GALNTL6: variants seen among roughly 807,000 people sequenced by gnomAD.
GALNTL6 encodes the protein polypeptide N-acetylgalactosaminyltransferase-like 6.
Under a neutral mutation model 73.7 loss-of-function variants are expected in GALNTL6, and 46 were observed. That is an observed-to-expected ratio of 0.62 (90% CI 0.49 to 0.80). The LOEUF (loss-of-function observed/expected upper bound fraction) is 0.80. Ranked by LOEUF, GALNTL6 falls within the 30% of genes least tolerant of loss-of-function variation. GALNTL6 has a pLI of 0.00. For synonymous variants in GALNTL6, 259 were observed against 263.7 expected, an observed-to-expected ratio of 0.98 and a Z score of 0.17; for missense variants, 604 against 755.0, an observed-to-expected ratio of 0.80 and a Z score of 2.34.
chr4:172,149,437 C>G (rs1289984793), intron 2 of GALNTL6, among the ~76,000 whole-genome samples: 1 of 152,102 alleles, frequency 6.6e-6, no homozygotes, highest in East Asian at 1.9e-4. Flanking sequence ...TATCTTCTCT[C>G]TCTCTCTCTA....
At chr4:172,761,327 T>C (rs1159054272) in intron 5 of GALNTL6, among the ~76,000 whole-genome samples, 3 of 152,222 alleles carry the variant, frequency 2.0e-5, no homozygotes, top group African/African-American at 4.8e-5. Flanking sequence ...ATATTTATTA[T>C]AAAACACACT....
At chr4:172,018,947 G>C (rs575615215) in intron 2 of GALNTL6, among the ~76,000 whole-genome samples, 5 of 152,034 alleles carry the variant, frequency 3.3e-5, no homozygotes, top group Non-Finnish European at 7.4e-5. Context: ...TTTATGTTTT[G>C]TGTGACTCCC....
chr4:172,234,406 T>C (rs547366011), intron 3 of GALNTL6, among the ~76,000 whole-genome samples: 2 of 152,274 alleles, frequency 1.3e-5, no homozygotes, highest in Admixed American at 6.5e-5. Context: ...ATTTGTCTAA[T>C]GTAAATACAT....
intron 2 of GALNTL6, among the ~76,000 whole-genome samples, chr4:171,916,969 G>A (rs1737649942): frequency 6.6e-6 from 1 of 151,942 alleles, no homozygotes; most frequent in Admixed American, 6.6e-5. Context: ...GTCAGTAATG[G>A]TATTGATGAA....
At chr4:172,833,510 C>T (rs1387753909) in intron 7 of GALNTL6, among the ~76,000 whole-genome samples, 1 of 152,148 alleles carries the variant, frequency 6.6e-6, no homozygotes, top group Non-Finnish European at 1.5e-5. Flanking sequence ...TAAGCTGCAT[C>T]TCCTGGCTTT....
chr4:172,537,487 C>T (rs1294139126), intron 5 of GALNTL6, among the ~76,000 whole-genome samples: 1 of 152,208 alleles, frequency 6.6e-6, no homozygotes, highest in East Asian at 1.9e-4. Context: ...TTTGCTCCTT[C>T]TTCACCTTCC....
intron 10 of GALNTL6, among the ~76,000 whole-genome samples, chr4:173,008,322 A>C (rs367646304): frequency 9.9e-5 from 15 of 152,246 alleles, no homozygotes; most frequent in African/African-American, 3.4e-4. Flanking sequence ...ATTAAGCACT[A>C]TCTGAAAAGA....
intron 5 of GALNTL6, among the ~76,000 whole-genome samples, chr4:172,518,428 A>G (rs1734676349): frequency 6.6e-6 from 1 of 151,958 alleles, no homozygotes; most frequent in African/African-American, 2.4e-5. Flanking sequence ...TTCATTTCAC[A>G]TTTGTACTAG....
At chr4:172,871,835 G>A (rs1428364244) in intron 7 of GALNTL6, among the ~76,000 whole-genome samples, 1 of 151,924 alleles carries the variant, frequency 6.6e-6, no homozygotes, top group African/African-American at 2.4e-5. Flanking sequence ...CCAGGTTGGA[G>A]TGTGATGGCG....
At chr4:172,053,092 C>T (rs1464208513) in intron 2 of GALNTL6, among the ~76,000 whole-genome samples, 1 of 152,024 alleles carries the variant, frequency 6.6e-6, no homozygotes, top group Non-Finnish European at 1.5e-5. Flanking sequence ...CAAATAAATA[C>T]AACTAAGGCT....
At chr4:172,602,171 A>G (rs1314475461) in intron 5 of GALNTL6, among the ~76,000 whole-genome samples, 2 of 152,158 alleles carry the variant, frequency 1.3e-5, no homozygotes, top group East Asian at 1.9e-4. Flanking sequence ...AGAAACAAAG[A>G]GTGTTCATCA....
Position 172,504,410 on chromosome 4 carries a change from T to G in GALNTL6, c.553+155721T>G, listed in dbSNP as rs1375968083. 1.6e-3 allele frequency among the ~76,000 whole-genome samples: 83 copies of G among 52,168 alleles called. 36 individuals carry two copies. In the Admixed American group the frequency reaches 0.023, roughly 15 times the overall value. The allele number at this position is 52,168 out of a possible 152,430, so 34.2% of individuals were successfully genotyped here. A position where few individuals can be genotyped will look rare whatever the true frequency, so the allele number is the denominator to read the frequency against. ...ATAACTTAGTCTATGGAAGGTAGTTTTGGAGCAAGGTGCCCATCAAGATTA... is the reference window on the plus strand; with the variant it reads ...ATAACTTAGTCTATGGAAGGTAGTTGTGGAGCAAGGTGCCCATCAAGATTA... On this transcript the variant is annotated intron_variant, in intron 5 of 12. Coordinates refer to ENST00000506823, the MANE Select transcript of GALNTL6 (RefSeq NM_001034845.3).
At chr4:171,943,953 C>T (rs1738628062) in intron 2 of GALNTL6, among the ~76,000 whole-genome samples, 1 of 151,894 alleles carries the variant, frequency 6.6e-6, no homozygotes, top group Non-Finnish European at 1.5e-5. Flanking sequence ...TCTTTAACTC[C>T]ATATTTGAAC....
intron 2 of GALNTL6, among the ~76,000 whole-genome samples, chr4:172,118,970 C>T (rs529714114): frequency 6.5e-4 from 94 of 144,940 alleles, no homozygotes; most frequent in African/African-American, 2.2e-3. Flanking sequence ...TAGATAAAGC[C>T]TTTTTTTTTT....
intron 5 of GALNTL6, among the ~76,000 whole-genome samples, chr4:172,562,374 C>T (rs1322294666): frequency 2.0e-5 from 3 of 152,218 alleles, no homozygotes; most frequent in South Asian, 2.1e-4. Flanking sequence ...GAGTGACTTA[C>T]ATCTGTTATT....
rs1553997705 is a variant in GALNTL6, at chr4:172,156,545, A to ATATATATATATATATATATACATAC, written c.139-73091_139-73090insCATACTATATATATATATATATATA. On this transcript the variant is annotated intron_variant, in intron 2 of 12. Transcript: ENST00000506823. Reference sequence around the variant, plus strand: ...TTAAATATACATATATATATAATATATATATATATATATATATATATACAT... The same window carrying ATATATATATATATATATATACATAC: ...TTAAATATACATATATATATAATATATATATATATATATATATATACATACTATATATATATATATATATATACAT... 6.8e-3 allele frequency among the ~76,000 whole-genome samples: 459 copies of ATATATATATATATATATATACATAC among 67,264 alleles called. 1 individual carries two copies. Among genetic ancestry groups the ATATATATATATATATATATACATAC allele is most frequent in the Non-Finnish European group, 0.01 (358 of 34,596 alleles). The allele number at this position is 67,264 out of a possible 152,430, so 44.1% of individuals were successfully genotyped here.
intron 5 of GALNTL6, among the ~76,000 whole-genome samples, chr4:172,734,565 T>C (rs980097557): frequency 6.6e-6 from 1 of 152,164 alleles, no homozygotes; most frequent in African/African-American, 2.4e-5. Context: ...ATGTCTCACA[T>C]CCAGGTCACA....
intron 5 of GALNTL6, among the ~76,000 whole-genome samples, chr4:172,633,283 C>T (rs943229123): frequency 6.6e-5 from 10 of 152,182 alleles, no homozygotes; most frequent in African/African-American, 2.4e-4. Context: ...GGGGGCTATA[C>T]CCTGCAAAGC....
intron 2 of GALNTL6, among the ~76,000 whole-genome samples, chr4:172,013,427 T>C (rs979736091): frequency 6.6e-6 from 1 of 152,134 alleles, no homozygotes; most frequent in Non-Finnish European, 1.5e-5. Flanking sequence ...TTTCTGTGCC[T>C]GGCTTATTTT....
Sources: allele counts gnomAD v4.1 joint callset (sites outside exome capture counted in the v4.1 genomes callset), GRCh38; gene constraint gnomAD v4.1.1; transcripts MANE v1.5; gene names NCBI Gene and HGNC (gene_info 2026-07-23, HGNC 2026-07-21).